DIP2B: variants seen among roughly 807,000 people sequenced by gnomAD.
DIP2B encodes the protein disco-interacting protein 2 homolog B.
Under a neutral mutation model 198.0 loss-of-function variants are expected in DIP2B, and 76 were observed. The observed-to-expected ratio is 0.38, with a 90% confidence interval of 0.32 to 0.46. DIP2B has a LOEUF of 0.46. Among genes scored for constraint, DIP2B ranks in the 20% least tolerant of loss-of-function variants. The probability of loss-of-function intolerance (pLI) is 0.99; values close to 1 mark genes in which losing one functional copy is unlikely to be tolerated. For synonymous variants in DIP2B, 701 were observed against 739.1 expected (o/e 0.95, Z 0.84); for missense variants, 1,559 against 1,978.4 (o/e 0.79, Z 4.02).
intron 6 of DIP2B, 65 bp downstream of exon 6, chr12:50,674,694 A>G (rs1158491419): frequency 2.5e-6 from 4 of 1,589,974 alleles, no homozygotes; most frequent in African/African-American, 1.3e-5. Flanking sequence ...CAAATTATGA[A>G]TGATAGCTCC....
intron 2 of DIP2B, among the ~76,000 whole-genome samples, chr12:50,637,110 A>G (rs1278825501): frequency 1.3e-5 from 2 of 152,066 alleles, no homozygotes; most frequent in Non-Finnish European, 2.9e-5. Context: ...CCCTATAATG[A>G]TTCAAGGTGA....
chr12:50,715,231 G>C (rs900694167), intron 23 of DIP2B, among the ~76,000 whole-genome samples: 1 of 152,180 alleles, frequency 6.6e-6, no homozygotes, highest in Admixed American at 6.5e-5. Flanking sequence ...TCTTGTCATA[G>C]ATACGCTACA....
chr12:50,549,487 G>A (rs374142487), intron 1 of DIP2B, among the ~76,000 whole-genome samples: 16 of 151,112 alleles, frequency 1.1e-4, no homozygotes, highest in East Asian at 3.9e-4. Flanking sequence ...CTGAGACCGC[G>A]CCACTGCACT....
chr12:50,512,011 T>A (rs1958021842), intron 1 of DIP2B, among the ~76,000 whole-genome samples: 1 of 149,452 alleles, frequency 6.7e-6, no homozygotes, highest in Non-Finnish European at 1.5e-5. Context: ...CAGGCTGGTC[T>A]CAAAGTCCTG....
Position 50,547,739 on chromosome 12 carries a change from T to C in DIP2B, c.100+42499T>C, listed in dbSNP as rs537654855. On this transcript the variant is annotated intron_variant, in intron 1 of 37. Transcript: ENST00000301180. Reference sequence around the variant, plus strand: ...TAATATATTAAGTGAAAATAGGCTGTGACACTATGTATAGCATGATTTCAT... The same window carrying C: ...TAATATATTAAGTGAAAATAGGCTGCGACACTATGTATAGCATGATTTCAT... Among the ~76,000 whole-genome samples the C allele has an allele frequency of 3.4e-4, 52 of 152,322 alleles. 1 individual carries two copies. The South Asian group carries it at 0.011, about 32-fold the overall frequency.
intron 3 of DIP2B, among the ~76,000 whole-genome samples, chr12:50,643,440 TG>T (rs1938295832): frequency 6.7e-6 from 1 of 150,314 alleles, no homozygotes; most frequent in African/African-American, 2.5e-5. Context: ...TGTGTGTGTG[TG>T]TGTGTGTGTG....
intron 3 of DIP2B, among the ~76,000 whole-genome samples, chr12:50,649,150 C>T (rs531277141): frequency 6.6e-6 from 1 of 152,282 alleles, no homozygotes; most frequent in Non-Finnish European, 1.5e-5. Context: ...GGCAGTTTAA[C>T]ACCATGAAGA....
rs575430146 is a variant in DIP2B at position 50,660,328 on chromosome 12, A to T, written c.427+9A>T. 1.3e-6 allele frequency: 2 copies of T among 1,594,736 alleles called. No individual in the cohort carries two copies. The highest frequency in any genetic ancestry group is 1.7e-6 in the Non-Finnish European group (2 of 1,172,614). On this transcript the variant is annotated intron_variant, in intron 4 of 37. Transcript: ENST00000301180. Reference sequence around the variant, plus strand: ...TGCCTGCACACCTCCTGGTAGGTTTATCAGAGCTTTTTCTCTCTGACAGTT... The same window carrying T: ...TGCCTGCACACCTCCTGGTAGGTTTTTCAGAGCTTTTTCTCTCTGACAGTT...
At chr12:50,709,346 G>A (rs1360099392) in intron 22 of DIP2B, among the ~76,000 whole-genome samples, 2 of 152,016 alleles carry the variant, frequency 1.3e-5, no homozygotes, top group Non-Finnish European at 2.9e-5. Flanking sequence ...AATTATCCAG[G>A]CATAGGCCAG....
Position 50,724,876 on chromosome 12 carries a change from C to T in DIP2B, c.3390C>T (p.Ile1130=). ...TGGATGTGAAAACCTGGCCAACCATCATTGACACAGGTGAAAGGGAGACTT... is the reference window on the plus strand; with the variant it reads ...TGGATGTGAAAACCTGGCCAACCATTATTGACACAGGTGAAAGGGAGACTT... ...AAVDVKTWPT[I]IDTDDLPRKR... is the part of the protein sequence containing the mutation. The change falls in exon 28 of 38, where the codon ATC becomes ATT. Residue 1130 remains isoleucine, a synonymous_variant. Transcript: ENST00000301180. The T allele has an allele frequency of 6.2e-7, 1 of 1,614,136 alleles. No individual in the cohort carries two copies. Among genetic ancestry groups the T allele is most frequent in the East Asian group, 2.2e-5 (1 of 44,882 alleles).
chr12:50,651,864 C>T (rs1938458984), intron 3 of DIP2B, among the ~76,000 whole-genome samples: 1 of 152,048 alleles, frequency 6.6e-6, no homozygotes, highest in African/African-American at 2.4e-5. Flanking sequence ...GCCACCATGC[C>T]CATCCTGTAA....
chr12:50,732,670 A>G lies in DIP2B; in HGVS notation c.3981+134A>G, dbSNP rs1029195305. The stretch of plus-strand genomic sequence containing the variant: ...ACTTGCTTTGGAACTTCGGGCTTTT[A>G]AATCTCGATTTCTTTGTGTCTCATT... On this transcript the variant is annotated intron_variant, in intron 32 of 37. Coordinates refer to ENST00000301180, the MANE Select transcript of DIP2B (RefSeq NM_173602.3). 6 of 1,095,642 alleles carry G rather than the reference A, an allele frequency of 5.5e-6. No homozygotes were observed. In the African/African-American group the frequency reaches 7.8e-5, roughly 14 times the overall value. The allele number at this position is 1,095,642 out of a possible 1,614,324, so 67.9% of individuals were successfully genotyped here. A position where few individuals can be genotyped will look rare whatever the true frequency, so the allele number is the denominator to read the frequency against.
At chr12:50,634,329 T>C (rs2139480208) in intron 2 of DIP2B, among the ~76,000 whole-genome samples, 1 of 152,370 alleles carries the variant, frequency 6.6e-6, no homozygotes, top group East Asian at 1.9e-4. Context: ...AGATTTTGTG[T>C]AGAAAGGCAA....
chr12:50,611,115 G>A (rs1178658460), intron 1 of DIP2B, among the ~76,000 whole-genome samples: 1 of 152,044 alleles, frequency 6.6e-6, no homozygotes, highest in East Asian at 1.9e-4. Context: ...ATATCTTTAG[G>A]GGGATAATAG....
chr12:50,631,446 C>T (rs1938052029), intron 2 of DIP2B, among the ~76,000 whole-genome samples: 2 of 152,014 alleles, frequency 1.3e-5, no homozygotes, highest in Admixed American at 6.6e-5. Context: ...AGGATGGTCT[C>T]GATCTCTTGA....
At chr12:50,525,388 C>T (rs1015698667) in intron 1 of DIP2B, among the ~76,000 whole-genome samples, 11 of 150,692 alleles carry the variant, frequency 7.3e-5, no homozygotes, top group South Asian at 2.1e-4. Context: ...CAGAGAATAC[C>T]GGTAGAGGGT....
intron 8 of DIP2B, chr12:50,679,510 T>G (rs1939001744): frequency 6.6e-6 from 1 of 152,286 alleles, no homozygotes; most frequent in Non-Finnish European, 1.5e-5. Context: ...TTGACATAGT[T>G]TAAACTTTGG....
intron 28 of DIP2B, 43 bp downstream of exon 28, chr12:50,724,929 C>T (rs764744104): frequency 6.4e-7 from 1 of 1,570,204 alleles, no homozygotes; most frequent in South Asian, 1.1e-5. Context: ...ACTGAGAGCT[C>T]ACAATACCTG....
In DIP2B at chr12:50,744,661, T is replaced by C; in HGVS notation, c.4553T>C (p.Leu1518Pro). Residue 1518 changes from leucine (L) to proline (P), a missense_variant, in exon 38 of 38, where the codon CTG (leucine) becomes CCG (proline). Coordinates refer to ENST00000301180, the MANE Select transcript of DIP2B (RefSeq NM_173602.3). ...LCGSEQEALDLVPLVTNVVLE... is the reference protein window; with the variant it reads ...LCGSEQEALDPVPLVTNVVLE... ...GGCTCTGAACAGGAAGCCCTAGATC[T>C]GGTCCCATTAGTGACCAACGTGGTC... 6.2e-7 allele frequency: 1 copy of C among 1,614,240 alleles called. No homozygotes were observed. Among genetic ancestry groups the C allele is most frequent in the Non-Finnish European group, 8.5e-7 (1 of 1,180,048 alleles).
Sources: allele counts gnomAD v4.1 joint callset (sites outside exome capture counted in the v4.1 genomes callset), GRCh38; gene constraint gnomAD v4.1.1; transcripts MANE v1.5; gene names NCBI Gene and HGNC (gene_info 2026-07-23, HGNC 2026-07-21).